Variants in TBC1D32 observed in about 807,000 individuals in gnomAD.
TBC1D32 encodes protein broad-minded.
In TBC1D32, 151 loss-of-function variants were observed where a neutral mutation model predicts 170.3. The ratio of observed to expected loss-of-function variants is 0.89; its 90% confidence interval spans 0.78 to 1.01. The LOEUF (loss-of-function observed/expected upper bound fraction) is 1.01, where lower values mean the gene tolerates loss of function less well. Ranked by LOEUF, TBC1D32 falls within the 50% of genes least tolerant of loss-of-function variation. The pLI is 0.00. For synonymous variants in TBC1D32, 498 were observed against 488.0 expected, an observed-to-expected ratio of 1.02 and a Z score of -0.27; for missense variants, 1,464 against 1,457.1, an observed-to-expected ratio of 1.00 and a Z score of -0.08.
intron 22 of TBC1D32, among the ~76,000 whole-genome samples, chr6:121,161,517 G>A (rs534123477): frequency 6.6e-6 from 1 of 152,246 alleles, no homozygotes; most frequent in South Asian, 2.1e-4. Context: ...TCATGTCCCT[G>A]CAAAGGACAT....
chr6:121,321,483 G>A lies in TBC1D32; in HGVS notation c.317+150C>T, dbSNP rs1413618184. On this transcript the variant is annotated intron_variant, in intron 2 of 31. Coordinates refer to ENST00000398212, the MANE Select transcript of TBC1D32 (RefSeq NM_152730.6). Reference sequence around the variant, plus strand: ...AGATGCGAAGCCTTTGGAGAGTCTGGGTGAAAGGGTGTCATGATCTGACTC... The same window carrying A: ...AGATGCGAAGCCTTTGGAGAGTCTGAGTGAAAGGGTGTCATGATCTGACTC... The A allele has an allele frequency of 9.7e-6, 7 of 725,270 alleles. No individual in the cohort carries two copies. The East Asian group carries it at 1.9e-4, about 20-fold the overall frequency. 44.9% of individuals were successfully genotyped at this position (725,270 alleles called of 1,614,324 possible). A position where few individuals can be genotyped will look rare whatever the true frequency, so the allele number is the denominator to read the frequency against.
chr6:121,131,208 T>C (rs1179918315), intron 25 of TBC1D32, among the ~76,000 whole-genome samples: 1 of 151,968 alleles, frequency 6.6e-6, no homozygotes, highest in Non-Finnish European at 1.5e-5. Context: ...TTAGAAAACA[T>C]AGCTGTTCCC....
intron 24 of TBC1D32, among the ~76,000 whole-genome samples, chr6:121,143,267 T>C (rs1562635647): frequency 6.6e-6 from 1 of 152,176 alleles, no homozygotes; most frequent in Non-Finnish European, 1.5e-5. Context: ...CACATATGTA[T>C]ACATACATAC....
intron 26 of TBC1D32, among the ~76,000 whole-genome samples, chr6:121,120,568 G>T (rs1312243737): frequency 1.3e-5 from 2 of 151,952 alleles, no homozygotes; most frequent in East Asian, 3.9e-4. Flanking sequence ...ATTAATAGCT[G>T]TATGTTTTTC....
chr6:121,154,304 C>A (rs991536429), intron 24 of TBC1D32, among the ~76,000 whole-genome samples: 3 of 152,126 alleles, frequency 2.0e-5, no homozygotes, highest in Non-Finnish European at 4.4e-5. Context: ...CTTCTGTTCA[C>A]CCTCCGTGGG....
chr6:121,194,138 G>A (rs78233942), intron 22 of TBC1D32, among the ~76,000 whole-genome samples: 1 of 152,184 alleles, frequency 6.6e-6, no homozygotes. Flanking sequence ...GTGGCTTATG[G>A]AGGTCAGGTA....
intron 3 of TBC1D32, among the ~76,000 whole-genome samples, chr6:121,311,083 A>G (rs1417728906): frequency 1.3e-5 from 2 of 152,216 alleles, no homozygotes; most frequent in Non-Finnish European, 2.9e-5. Context: ...TTGCCAAGCA[A>G]TTAAAGTATA....
chr6:121,098,563 G>GT lies in TBC1D32; in HGVS notation c.3465+7459dup, dbSNP rs1777683135. Among the ~76,000 whole-genome samples, 3 of 151,902 alleles carry GT rather than the reference G, an allele frequency of 2.0e-5. 1 individual carries two copies. The South Asian group carries it at 6.2e-4, about 31-fold the overall frequency. ...TATACTATGAAGCAACATGAAAAACGTAAGACTATTTCTGTTGCACTTCTA... is the reference window on the plus strand; with the variant it reads ...TATACTATGAAGCAACATGAAAAACGTTAAGACTATTTCTGTTGCACTTCTA... On this transcript the variant is annotated intron_variant, in intron 30 of 31. Coordinates refer to ENST00000398212, the MANE Select transcript of TBC1D32 (RefSeq NM_152730.6).
intron 1 of TBC1D32, among the ~76,000 whole-genome samples, chr6:121,331,827 T>C (rs6941053): frequency 0.97 from 147,534 of 152,268 alleles, 71,683 homozygotes; most frequent in East Asian, 1. Flanking sequence ...TCCTTTCTCA[T>C]ATAAAAGAGT....
At chr6:121,133,470 T>C (rs1781669705) in intron 24 of TBC1D32, among the ~76,000 whole-genome samples, 1 of 152,026 alleles carries the variant, frequency 6.6e-6, no homozygotes, top group Admixed American at 6.6e-5. Flanking sequence ...TATATACATG[T>C]AAACAAACAG....
intron 22 of TBC1D32, among the ~76,000 whole-genome samples, chr6:121,162,439 C>T (rs566052221): frequency 6.6e-6 from 1 of 152,264 alleles, no homozygotes; most frequent in East Asian, 1.9e-4. Flanking sequence ...AACCCACAGA[C>T]AGTATCATAC....
chr6:121,321,970 CA>C (rs140067830), intron 1 of TBC1D32, among the ~76,000 whole-genome samples, 176 bp from the exon 2 acceptor site: 3,625 of 151,460 alleles, frequency 0.024, 157 homozygotes, highest in East Asian at 0.12. Context: ...TTTTCTGAGA[CA>C]CTTGGCAAAA....
At chr6:121,303,790 T>G (rs1806855388) in intron 8 of TBC1D32, 29 bp from the exon 9 acceptor site, 1 of 1,447,946 alleles carries the variant, frequency 6.9e-7, no homozygotes, top group Non-Finnish European at 9.3e-7. Flanking sequence ...AGAAATACAA[T>G]TACACATATA....
chr6:121,125,763 C>T (rs955431132), intron 26 of TBC1D32, among the ~76,000 whole-genome samples: 3 of 152,172 alleles, frequency 2.0e-5, no homozygotes, highest in African/African-American at 7.2e-5. Context: ...AGAGACATGT[C>T]TCAGCTCAGA....
intron 27 of TBC1D32, 133 bp from the exon 28 acceptor site, chr6:121,113,310 TTATGA>T (rs1779376662): frequency 3.8e-6 from 2 of 531,050 alleles, no homozygotes; most frequent in East Asian, 6.3e-5. Flanking sequence ...TTTCTGATGA[TTATGA>T]TATATTTGGA....
At chr6:121,230,888 A>G (rs1254194515) in intron 20 of TBC1D32, among the ~76,000 whole-genome samples, 1 of 151,940 alleles carries the variant, frequency 6.6e-6, no homozygotes, top group Non-Finnish European at 1.5e-5. Context: ...TGCACCCATC[A>G]CCTGAGTAGT....
intron 22 of TBC1D32, among the ~76,000 whole-genome samples, chr6:121,180,443 T>C (rs1480416821): frequency 6.6e-6 from 1 of 152,108 alleles, no homozygotes; most frequent in African/African-American, 2.4e-5. Context: ...GAAATAAATC[T>C]ACACACTTAC....
chr6:121,327,470 A>T (rs1409037862), intron 1 of TBC1D32, among the ~76,000 whole-genome samples: 2 of 152,224 alleles, frequency 1.3e-5, no homozygotes, highest in African/African-American at 2.4e-5. Flanking sequence ...TTTAGAAAAT[A>T]ATCTGGAGAT....
chr6:121,267,886 G>A (rs535723993), intron 15 of TBC1D32, among the ~76,000 whole-genome samples: 31 of 152,146 alleles, frequency 2.0e-4, no homozygotes, highest in Non-Finnish European at 2.8e-4. Flanking sequence ...TCATATAACC[G>A]GGTGCCCTCC....
Sources: allele counts gnomAD v4.1 joint callset (sites outside exome capture counted in the v4.1 genomes callset), GRCh38; gene constraint gnomAD v4.1.1; transcripts MANE v1.5; gene names NCBI Gene and HGNC (gene_info 2026-07-23, HGNC 2026-07-21).